The following FAM20A variants were observed in gnomAD, a reference collection of about 807,000 sequenced individuals.
FAM20A encodes FAM20A golgi associated secretory pathway pseudokinase.
Under a neutral mutation model 52.0 loss-of-function variants are expected in FAM20A, and 42 were observed. That is an observed-to-expected ratio of 0.81 (90% CI 0.63 to 1.04). The LOEUF (loss-of-function observed/expected upper bound fraction) is 1.04. Ranked by LOEUF, FAM20A falls within the 50% of genes least tolerant of loss-of-function variation. The pLI, the probability that FAM20A is intolerant of heterozygous loss-of-function variation, is 0.00. For synonymous variants in FAM20A, 304 were observed against 298.9 expected, an observed-to-expected ratio of 1.02 and a Z score of -0.18; for missense variants, 742 against 712.7, an observed-to-expected ratio of 1.04 and a Z score of -0.47.
intron 1 of FAM20A, among the ~76,000 whole-genome samples, chr17:68,579,343 A>C (rs17702098): frequency 0.041 from 6,204 of 152,154 alleles, 156 homozygotes; most frequent in South Asian, 0.07. Flanking sequence ...AACATGGACT[A>C]TGGGTCCTCC....
intron 1 of FAM20A, among the ~76,000 whole-genome samples, chr17:68,583,513 A>G (rs2088075036): frequency 6.6e-6 from 1 of 152,118 alleles, no homozygotes; most frequent in Admixed American, 6.5e-5. Flanking sequence ...TGCATTCCTC[A>G]TATAAGGACA....
intron 1 of FAM20A, chr17:68,590,428 A>G (rs1442182661): frequency 2.0e-5 from 3 of 151,688 alleles, no homozygotes; most frequent in African/African-American, 7.2e-5. Flanking sequence ...TTCAGGAGAA[A>G]GAGACGTGAA....
Position 68,537,463 on chromosome 17 carries a change from G to C in FAM20A, c.*14C>G. On this transcript the variant is annotated 3_prime_UTR_variant, in exon 11 of 11. Coordinates refer to ENST00000592554, the MANE Select transcript of FAM20A (RefSeq NM_017565.4). This position sits in a 1 kb window ranked among gnomAD's most constrained non-coding sequence, Gnocchi z 4.2. ...GCTCCAGGCGTATTTTCTGAAACTG[G>C]ACTCTGCCAGCCCTTAGCTTGTCAA... 1 of 1,614,004 alleles carries C rather than the reference G, an allele frequency of 6.2e-7. No individual in the cohort carries two copies. The highest frequency in any genetic ancestry group is 8.5e-7 in the Non-Finnish European group (1 of 1,180,002).
intron 7 of FAM20A, chr17:68,541,740 G>C (rs1289992728): frequency 4.5e-6 from 2 of 449,266 alleles, no homozygotes; most frequent in East Asian, 3.7e-5. Context: ...GAGAGAGTCT[G>C]AGTCTTCCAT....
chr17:68,557,452 G>A (rs1486431588), intron 1 of FAM20A: 2 of 152,028 alleles, frequency 1.3e-5, no homozygotes, highest in Non-Finnish European at 2.9e-5. Context: ...CTTCATAAAA[G>A]AGACCCCAGA....
At chr17:68,587,615 C>T (rs1400049840) in intron 1 of FAM20A, among the ~76,000 whole-genome samples, 1 of 152,188 alleles carries the variant, frequency 6.6e-6, no homozygotes, top group Non-Finnish European at 1.5e-5. Flanking sequence ...CCACTGTGGA[C>T]AACTAAAGCC....
intron 1 of FAM20A, among the ~76,000 whole-genome samples, chr17:68,580,261 G>A (rs1284729887): frequency 3.9e-5 from 6 of 152,242 alleles, no homozygotes; most frequent in African/African-American, 1.2e-4. Flanking sequence ...AGATCATGGT[G>A]GTGGTGGGTG....
intron 4 of FAM20A, among the ~76,000 whole-genome samples, chr17:68,545,194 A>G (rs2086491149): frequency 1.3e-5 from 2 of 152,288 alleles, no homozygotes; most frequent in South Asian, 4.1e-4. Context: ...ATAAAAATGT[A>G]GATTACACTG....
chr17:68,594,548 A>C (rs2088402157), intron 1 of FAM20A, among the ~76,000 whole-genome samples: 3 of 152,204 alleles, frequency 2.0e-5, no homozygotes, highest in Non-Finnish European at 4.4e-5. Context: ...TGCTTTGCAC[A>C]GGGACTTAGC....
rs139620139 is a variant in FAM20A, at chr17:68,537,671, G to T, written c.1432C>A (p.Arg478=). Residue 478 remains arginine, a synonymous_variant, in exon 11 of 11, where the codon CGA becomes AGA. Coordinates refer to ENST00000592554, the MANE Select transcript of FAM20A (RefSeq NM_017565.4). This position sits in a 1 kb window ranked among gnomAD's most constrained non-coding sequence, Gnocchi z 4.2. ...QADYRLSDVM[R]ESLLEDQLSP... Reference sequence around the variant, plus strand: ...AGCTGGTCTTCCAGCAGTGATTCTCGCATCACATCGCTGAGTCTGTAGTCA... The same window carrying T: ...AGCTGGTCTTCCAGCAGTGATTCTCTCATCACATCGCTGAGTCTGTAGTCA... 5.5e-5 allele frequency: 88 copies of T among 1,613,644 alleles called. No individual in the cohort carries two copies. The African/African-American group carries it at 1.1e-3, about 20-fold the overall frequency.
At chr17:68,540,110 C>T in intron 8 of FAM20A, 144 bp from the exon 9 acceptor site, 1 of 736,862 alleles carries the variant, frequency 1.4e-6, no homozygotes, top group Non-Finnish European at 2.4e-6. Context: ...CTGTCATTTC[C>T]TCAGGGCCAT....
intron 1 of FAM20A, among the ~76,000 whole-genome samples, chr17:68,584,128 C>G (rs1349481882): frequency 6.6e-6 from 1 of 151,752 alleles, no homozygotes; most frequent in African/African-American, 2.4e-5. Flanking sequence ...ACTAGCGTGA[C>G]CAACACGGTG....
chr17:68,592,584 T>C (rs1040279976), intron 1 of FAM20A, among the ~76,000 whole-genome samples: 5 of 152,226 alleles, frequency 3.3e-5, no homozygotes, highest in Admixed American at 6.5e-5. Context: ...TTGCCAGGGC[T>C]GAACAGCGCT....
chr17:68,553,769 T>C (rs563769485), intron 3 of FAM20A, among the ~76,000 whole-genome samples: 2 of 147,232 alleles, frequency 1.4e-5, no homozygotes, highest in South Asian at 4.3e-4. Context: ...TATATATACA[T>C]ATATACATAT....
At chr17:68,576,756 T>C (rs1184855360) in intron 1 of FAM20A, among the ~76,000 whole-genome samples, 3 of 152,176 alleles carry the variant, frequency 2.0e-5, no homozygotes, top group Non-Finnish European at 4.4e-5. Context: ...AATATGATTG[T>C]TTTAAATGGT....
At chr17:68,580,558 A>T (rs1183288231) in intron 1 of FAM20A, among the ~76,000 whole-genome samples, 1 of 152,216 alleles carries the variant, frequency 6.6e-6, no homozygotes, top group Non-Finnish European at 1.5e-5. Context: ...AAACCCGCCC[A>T]GAGAGGGGCA....
intron 1 of FAM20A, chr17:68,582,287 T>C (rs2088029316): frequency 1.3e-5 from 2 of 152,264 alleles, no homozygotes; most frequent in East Asian, 1.9e-4. Context: ...AATAAGTAGA[T>C]TGATTGCGTT....
chr17:68,535,940 A>C lies in FAM20A; in HGVS notation c.*1537T>G, dbSNP rs757512245. Reference sequence around the variant, plus strand: ...TGTGTGATTTTGCTTACTCTCTCTGAGATTTAAAGTTCTTCCATGCACATT... The same window carrying C: ...TGTGTGATTTTGCTTACTCTCTCTGCGATTTAAAGTTCTTCCATGCACATT... On this transcript the variant is annotated 3_prime_UTR_variant, in exon 11 of 11. Transcript: ENST00000592554. 8.8e-6 allele frequency: 4 copies of C among 453,958 alleles called. No homozygotes were observed. Among genetic ancestry groups the C allele is most frequent in the Non-Finnish European group, 1.8e-5 (4 of 226,804 alleles). The allele number at this position is 453,958 out of a possible 1,614,324, so 28.1% of individuals were successfully genotyped here.
At chr17:68,568,613 T>G (rs551103185) in intron 1 of FAM20A, among the ~76,000 whole-genome samples, 1 of 151,980 alleles carries the variant, frequency 6.6e-6, no homozygotes, top group Admixed American at 6.5e-5. Context: ...AGTTTCACTC[T>G]CTAGGGGAGA....
Sources: gnomAD v4.1 joint callset for allele counts (sites outside exome capture counted in the v4.1 genomes callset) on GRCh38, gnomAD v4.1.1 for gene constraint, Gnocchi (gnomAD v3.1) non-coding constraint, MANE v1.5 for transcripts, NCBI Gene and HGNC (gene_info 2026-07-23, HGNC 2026-07-21) for gene names.